The following ZNF559 variants were observed in gnomAD, a reference collection of about 807,000 sequenced individuals.
ZNF559 encodes putative protein product of Nbla00121.
Under a neutral mutation model 14.2 loss-of-function variants are expected in ZNF559, and 17 were observed. The observed-to-expected ratio is 1.20, with a 90% CI of 0.82 to 1.80. The LOEUF (loss-of-function observed/expected upper bound fraction) is 1.80. Ranked by LOEUF, ZNF559 falls within the 40% of genes most tolerant of loss-of-function variation. ZNF559 has a pLI of 0.00. For synonymous variants in ZNF559, 244 were observed against 212.4 expected, an observed-to-expected ratio of 1.15 and a Z score of -1.29; for missense variants, 740 against 629.7, an observed-to-expected ratio of 1.18 and a Z score of -1.88.
In ZNF559 at chr19:9,341,046, C is replaced by T. The variant is rs78740264; in HGVS notation, c.161-56C>T. ...CATACTAGTCTTGCATTTTTAACAC[C>T]CTTTTTAAAATCATTATTTCTCTAA... On this transcript the variant is annotated intron_variant, in intron 5 of 6. Coordinates refer to ENST00000603380, the MANE Select transcript of ZNF559 (RefSeq NM_032497.3). The T allele has an allele frequency of 5.8e-3, 8,016 of 1,391,612 alleles. 199 individuals carry two copies. The African/African-American group carries it at 0.075, about 13-fold the overall frequency. The allele number at this position is 1,391,612 out of a possible 1,614,324, so 86.2% of individuals were successfully genotyped here. A position where few individuals can be genotyped will look rare whatever the true frequency, so the allele number is the denominator to read the frequency against.
At chr19:9,327,241 G>T (rs60945563) in intron 2 of ZNF559, among the ~76,000 whole-genome samples, 155 of 150,376 alleles carry the variant, frequency 1.0e-3, no homozygotes, top group African/African-American at 2.6e-3. Flanking sequence ...GTTTTGTTTT[G>T]TTTTTTTTTG....
chr19:9,330,894 G>A (rs1297895523), intron 2 of ZNF559, among the ~76,000 whole-genome samples: 1 of 152,262 alleles, frequency 6.6e-6, no homozygotes, highest in African/African-American at 2.4e-5. Flanking sequence ...TGCTGTCTGT[G>A]CACTGAAGTA....
At position 9,341,895 on chromosome 19, in the gene ZNF559, CTG is replaced by C. The variant is rs759460604; in HGVS notation, c.446_447del (p.Cys149Ter). On this transcript the variant is annotated frameshift_variant, in exon 7 of 7. Transcript: ENST00000603380. LOFTEE classifies it low-confidence loss of function (END_TRUNC). ...CTGATATCGGAGAGGAACTTCCTAA[CTG>C]TAATCAATGTGAAACAGCCTTCAGC... ...KTDIGEELPN[C>X]NQCETAFSQH... 17 of 1,611,732 alleles carry C rather than the reference CTG, an allele frequency of 1.1e-5. No individual in the cohort carries two copies. The highest frequency in any genetic ancestry group is 6.7e-5 in the East Asian group (3 of 44,860).
chr19:9,341,455 C>G (rs1179262326), intron 6 of ZNF559: 3 of 812,666 alleles, frequency 3.7e-6, no homozygotes, highest in Admixed American at 2.0e-5. Flanking sequence ...CCGTTATCAG[C>G]TAAGCTCTAT....
Position 9,341,779 on chromosome 19 carries a change from A to G in ZNF559, c.328A>G (p.Arg110Gly). 1 of 1,607,250 alleles carries G rather than the reference A, an allele frequency of 6.2e-7. No individual in the cohort carries two copies. The highest frequency in any genetic ancestry group is 8.5e-7 in the Non-Finnish European group (1 of 1,178,212). The change falls in exon 7 of 7, where the codon AGG becomes GGG. Residue 110 changes from arginine to glycine, a missense_variant. Transcript: ENST00000603380. ...TGAACACTCATGCCTTAAGACTCAC[A>G]GGAGAACTTACTTTAGAAAGAAAAC... The part of the protein sequence containing the change: ...LSEHSCLKTH[R>G]RTYFRKKTCE...
intron 2 of ZNF559, among the ~76,000 whole-genome samples, chr19:9,325,444 AAAG>A (rs935741352): frequency 6.6e-6 from 1 of 151,634 alleles, no homozygotes. Context: ...CCTGTTTCAA[AAAG>A]AAGAAAAAAA....
At chr19:9,338,704 CA>C in intron 4 of ZNF559, 122 bp downstream of exon 4, 1 of 707,384 alleles carries the variant, frequency 1.4e-6, no homozygotes. Flanking sequence ...CCACATCTCT[CA>C]TCAAACTTCT....
At chr19:9,325,390 C>T (rs1363644323) in intron 2 of ZNF559, among the ~76,000 whole-genome samples, 1 of 151,598 alleles carries the variant, frequency 6.6e-6, no homozygotes, top group Non-Finnish European at 1.5e-5. Flanking sequence ...TGCTGTGAGC[C>T]ATTATTGTGT....
rs762704135 is a variant in ZNF559, at chr19:9,342,658, CATCCTGGTGTAA to C, written c.1209_1220del (p.His403_Lys407delinsGln). The C allele has an allele frequency of 1.9e-6, 3 of 1,614,190 alleles. No individual in the cohort carries two copies. In the South Asian group the frequency reaches 3.3e-5, roughly 18 times the overall value. On this transcript the variant is annotated inframe_deletion, in exon 7 of 7. Transcript: ENST00000603380. The stretch of plus-strand genomic sequence containing the variant: ...TTCCTTTAAAAGTCACATGCAGACT[CATCCTGGTGTAA>C]AACCCTATGACTGTCAACAGTGTGG...
chr19:9,337,841 G>T lies in ZNF559; in HGVS notation c.-74G>T, dbSNP rs1381633532. On this transcript the variant is annotated 5_prime_UTR_variant, in exon 3 of 7. Coordinates refer to ENST00000603380, the MANE Select transcript of ZNF559 (RefSeq NM_032497.3). ...GCTTGATGACAGATGAGTAATGCCT[G>T]TTGCTGAAAGATTGACGGTATGAGG... is the stretch of plus-strand genomic sequence containing the variant. 138 of 1,487,748 alleles carry T rather than the reference G, an allele frequency of 9.3e-5. No individual in the cohort carries two copies. Among genetic ancestry groups the T allele is most frequent in the Non-Finnish European group, 1.1e-4 (128 of 1,122,060 alleles). 92.2% of individuals were successfully genotyped at this position (1,487,748 alleles called of 1,614,324 possible). A position where few individuals can be genotyped will look rare whatever the true frequency, so the allele number is the denominator to read the frequency against.
Position 9,345,058 on chromosome 19 carries a change from C to G in ZNF559, c.*1990C>G, listed in dbSNP as rs965239276. The G allele has an allele frequency of 2.0e-5, 3 of 152,172 alleles. No individual in the cohort carries two copies. The highest frequency in any genetic ancestry group is 4.4e-5 in the Non-Finnish European group (3 of 68,032). 9.4% of individuals were successfully genotyped at this position (152,172 alleles called of 1,614,324 possible). On this transcript the variant is annotated 3_prime_UTR_variant, in exon 7 of 7. Coordinates refer to ENST00000603380, the MANE Select transcript of ZNF559 (RefSeq NM_032497.3). The stretch of plus-strand genomic sequence containing the variant: ...CTCCTGATCCACTGATTTGCTTTCT[C>G]TTAGAATAGACGACTTTATATTATG...
At chr19:9,338,813 G>GAT (rs1407028295) in intron 4 of ZNF559, among the ~76,000 whole-genome samples, 1 of 152,168 alleles carries the variant, frequency 6.6e-6, no homozygotes, top group Admixed American at 6.5e-5. Context: ...CATCCATGCT[G>GAT]ATATGCTTTC....
intron 2 of ZNF559, among the ~76,000 whole-genome samples, chr19:9,335,797 A>G (rs1034636598): frequency 2.0e-5 from 3 of 152,224 alleles, no homozygotes; most frequent in Non-Finnish European, 2.9e-5. Context: ...GGCCTCCCAG[A>G]GTGCTGGGAT....
chr19:9,341,262 C>A, intron 6 of ZNF559, 78 bp downstream of exon 6: 1 of 1,398,148 alleles, frequency 7.2e-7, no homozygotes, highest in Non-Finnish European at 1.0e-6. Context: ...AAAAGCAGCA[C>A]AATAACCTTG....
intron 6 of ZNF559, chr19:9,341,480 A>G: frequency 1.1e-6 from 1 of 915,348 alleles, no homozygotes; most frequent in Non-Finnish European, 1.7e-6. Context: ...AAGCCCTCTG[A>G]AAGTAAAGAA....
intron 2 of ZNF559, among the ~76,000 whole-genome samples, chr19:9,334,968 A>G (rs1047047236): frequency 3.3e-5 from 5 of 151,982 alleles, no homozygotes; most frequent in Non-Finnish European, 7.4e-5. Flanking sequence ...CCCCTTCTCT[A>G]CTAAAAATAC....
chr19:9,338,686 C>A, intron 4 of ZNF559, 104 bp downstream of exon 4: 1 of 828,796 alleles, frequency 1.2e-6, no homozygotes, highest in Non-Finnish European at 2.0e-6. Flanking sequence ...AGAGGGTCTG[C>A]TTAGGGACCA....
At chr19:9,334,694 T>A (rs2067131301) in intron 2 of ZNF559, among the ~76,000 whole-genome samples, 1 of 152,194 alleles carries the variant, frequency 6.6e-6, no homozygotes, top group Non-Finnish European at 1.5e-5. Context: ...ATTAAATGTT[T>A]AAAAAATTCA....
intron 2 of ZNF559, among the ~76,000 whole-genome samples, chr19:9,335,004 T>C (rs1013560600): frequency 6.6e-6 from 1 of 151,744 alleles, no homozygotes; most frequent in African/African-American, 2.4e-5. Context: ...GGCATGGTGG[T>C]GGGCGCCTGT....
Sources: allele counts gnomAD v4.1 joint callset (sites outside exome capture counted in the v4.1 genomes callset), GRCh38; gene constraint gnomAD v4.1.1; transcripts MANE v1.5; gene names NCBI Gene and HGNC (gene_info 2026-07-23, HGNC 2026-07-21).